Variants in MACROD2 observed in about 807,000 individuals in gnomAD.
MACROD2 encodes the protein ADP-ribose glycohydrolase MACROD2.
MACROD2 carries 36 observed loss-of-function variants against 70.4 expected under a neutral mutation model. The observed-to-expected ratio is 0.51, with a 90% CI of 0.39 to 0.68. The LOEUF (loss-of-function observed/expected upper bound fraction) is 0.68, where lower values mean the gene tolerates loss of function less well. Among genes scored for constraint, MACROD2 ranks in the 30% least tolerant of loss-of-function variants. The pLI is 0.00. For missense variants in MACROD2, 496 were observed against 538.4 expected (o/e 0.92, Z 0.78); for synonymous variants, 172 against 178.8 (o/e 0.96, Z 0.30).
intron 3 of MACROD2, among the ~76,000 whole-genome samples, chr20:14,232,611 C>A (rs536044577): frequency 6.6e-6 from 1 of 152,352 alleles, no homozygotes; most frequent in East Asian, 1.9e-4. Context: ...TCACCTCTGT[C>A]AGCCTTCATA....
chr20:15,686,341 A>C (rs945257183), intron 8 of MACROD2, among the ~76,000 whole-genome samples: 1 of 152,194 alleles, frequency 6.6e-6, no homozygotes, highest in Non-Finnish European at 1.5e-5. Flanking sequence ...TCTTCAACAC[A>C]AAAACACTTG....
At chr20:15,389,115 G>A (rs1029982585) in intron 6 of MACROD2, among the ~76,000 whole-genome samples, 1 of 152,158 alleles carries the variant, frequency 6.6e-6, no homozygotes, top group Non-Finnish European at 1.5e-5. Flanking sequence ...AAAAGTTAAG[G>A]ATGGGCCAAG....
chr20:14,791,041 G>T (rs927272324), intron 5 of MACROD2, among the ~76,000 whole-genome samples: 1 of 152,070 alleles, frequency 6.6e-6, no homozygotes, highest in Admixed American at 6.6e-5. Flanking sequence ...CAGGGCAGCC[G>T]CAGGGTCTGC....
At chr20:15,960,052 C>A (rs1031963765) in intron 12 of MACROD2, among the ~76,000 whole-genome samples, 1 of 152,192 alleles carries the variant, frequency 6.6e-6, no homozygotes, top group African/African-American at 2.4e-5. Context: ...ACCCAGGAGG[C>A]AACAGCCATT....
intron 8 of MACROD2, among the ~76,000 whole-genome samples, chr20:15,599,331 G>A (rs1316971812): frequency 6.6e-6 from 1 of 152,140 alleles, no homozygotes; most frequent in Non-Finnish European, 1.5e-5. Flanking sequence ...GGCAGAGGTT[G>A]CAGTGAGCCG....
intron 3 of MACROD2, among the ~76,000 whole-genome samples, chr20:14,297,831 A>G (rs943083640): frequency 2.0e-5 from 3 of 151,970 alleles, no homozygotes; most frequent in Non-Finnish European, 4.4e-5. Flanking sequence ...AGAAGCTGCC[A>G]TCTAGGACTT....
At position 15,788,510 on chromosome 20, in the gene MACROD2, G is replaced by T. The variant is rs141874922; in HGVS notation, c.646-74235G>T. Among the ~76,000 whole-genome samples, 1,089 of 152,286 alleles carry T rather than the reference G, an allele frequency of 7.2e-3. 6 individuals are homozygous for T. Among genetic ancestry groups the T allele is most frequent in the East Asian group, 0.015 (76 of 5,190 alleles). ...ATGACCTTCTCACCAATGTATTTGT[G>T]TAATTTTGATGTTAGTGGAGTTAGT... On this transcript the variant is annotated intron_variant, in intron 8 of 17. Coordinates refer to ENST00000684519, the MANE Select transcript of MACROD2 (RefSeq NM_001351661.2).
At chr20:15,539,446 C>T (rs965167358) in intron 8 of MACROD2, among the ~76,000 whole-genome samples, 16 of 152,144 alleles carry the variant, frequency 1.1e-4, no homozygotes, top group Non-Finnish European at 1.9e-4. Flanking sequence ...TATTGAAACA[C>T]CAATGCCAGT....
chr20:14,200,745 T>C (rs562813060), intron 3 of MACROD2, among the ~76,000 whole-genome samples: 1 of 152,338 alleles, frequency 6.6e-6, no homozygotes, highest in South Asian at 2.1e-4. Context: ...TGATTTTATG[T>C]TTTTAAATCT....
intron 8 of MACROD2, among the ~76,000 whole-genome samples, chr20:15,771,383 A>G (rs2051623571): frequency 1.3e-5 from 2 of 148,578 alleles, no homozygotes; most frequent in African/African-American, 5.2e-5. Flanking sequence ...GGATTTTGCC[A>G]TGTAGTTCAG....
chr20:14,334,485 T>C (rs1408533392), intron 3 of MACROD2, among the ~76,000 whole-genome samples: 2 of 152,158 alleles, frequency 1.3e-5, no homozygotes, highest in African/African-American at 4.8e-5. Context: ...TTAATATTGC[T>C]GAGAGATTTT....
chr20:14,424,020 C>T (rs1385203455), intron 3 of MACROD2, among the ~76,000 whole-genome samples: 1 of 151,982 alleles, frequency 6.6e-6, no homozygotes, highest in Non-Finnish European at 1.5e-5. Flanking sequence ...CCTCAGCCTC[C>T]CAGACTGCTG....
At chr20:15,458,766 G>A (rs549341871) in intron 7 of MACROD2, among the ~76,000 whole-genome samples, 3 of 151,778 alleles carry the variant, frequency 2.0e-5, no homozygotes, top group South Asian at 2.1e-4. Flanking sequence ...CTGCCTCATC[G>A]TATACAATGG....
chr20:14,369,598 A>G (rs926285694), intron 3 of MACROD2, among the ~76,000 whole-genome samples: 24 of 152,178 alleles, frequency 1.6e-4, no homozygotes, highest in African/African-American at 5.8e-4. Flanking sequence ...AAGCTCTTGG[A>G]GCTACCTACT....
At chr20:15,170,253 G>GA (rs2076413828) in intron 5 of MACROD2, among the ~76,000 whole-genome samples, 2 of 152,234 alleles carry the variant, frequency 1.3e-5, no homozygotes, top group East Asian at 3.9e-4. Context: ...AATTTAGGAA[G>GA]AAAAACCACA....
intron 8 of MACROD2, among the ~76,000 whole-genome samples, chr20:15,656,090 A>G (rs754339317): frequency 3.9e-5 from 6 of 152,146 alleles, no homozygotes; most frequent in Non-Finnish European, 7.3e-5. Flanking sequence ...GCTTATACAC[A>G]TGAGTCTGTC....
At chr20:15,080,431 C>T (rs556327606) in intron 5 of MACROD2, among the ~76,000 whole-genome samples, 2 of 152,116 alleles carry the variant, frequency 1.3e-5, no homozygotes, top group Admixed American at 1.3e-4. Flanking sequence ...TCTTCCTTTC[C>T]GAAACACCTT....
intron 3 of MACROD2, among the ~76,000 whole-genome samples, chr20:14,285,268 A>G (rs1246250931): frequency 1.3e-5 from 2 of 152,218 alleles, no homozygotes; most frequent in Non-Finnish European, 2.9e-5. Flanking sequence ...TATTTTATAC[A>G]TACTTTGTAA....
At chr20:14,380,229 A>G (rs2083408684) in intron 3 of MACROD2, among the ~76,000 whole-genome samples, 1 of 151,942 alleles carries the variant, frequency 6.6e-6, no homozygotes, top group Non-Finnish European at 1.5e-5. Context: ...TCATGTGCTT[A>G]TTTGCTATTT....
Sources: gnomAD v4.1 joint callset for allele counts (sites outside exome capture counted in the v4.1 genomes callset) on GRCh38, gnomAD v4.1.1 for gene constraint, MANE v1.5 for transcripts, NCBI Gene and HGNC (gene_info 2026-07-23, HGNC 2026-07-21) for gene names.